Variants in PRKN observed in about 807,000 individuals in gnomAD.
The protein encoded by PRKN is parkin RBR E3 ubiquitin protein ligase.
A neutral mutation model predicts 59.5 loss-of-function variants in PRKN; 56 were observed. The ratio of observed to expected loss-of-function variants is 0.94; its 90% CI spans 0.76 to 1.18. The LOEUF (loss-of-function observed/expected upper bound fraction) is 1.18, where lower values mean the gene tolerates loss of function less well. Ranked by LOEUF, PRKN falls within the 50% of genes most tolerant of loss-of-function variation. The pLI is 0.00. For missense variants in PRKN, 657 were observed against 596.4 expected, an observed-to-expected ratio of 1.10 and a Z score of -1.06; for synonymous variants, 250 against 222.1, an observed-to-expected ratio of 1.13 and a Z score of -1.12.
intron 10 of PRKN, among the ~76,000 whole-genome samples, chr6:161,384,795 T>A (rs989146488): frequency 6.6e-6 from 1 of 152,236 alleles, no homozygotes; most frequent in African/African-American, 2.4e-5. Flanking sequence ...CAGGGAAACC[T>A]GGAAGTGTTT....
chr6:162,682,014 G>A (rs1377307254), intron 1 of PRKN, among the ~76,000 whole-genome samples: 1 of 152,038 alleles, frequency 6.6e-6, no homozygotes, highest in Admixed American at 6.6e-5. Context: ...ATATGTGACA[G>A]TATTTTAGAA....
chr6:162,424,902 T>C (rs1789158724), intron 2 of PRKN, among the ~76,000 whole-genome samples: 1 of 152,010 alleles, frequency 6.6e-6, no homozygotes, highest in African/African-American at 2.4e-5. Context: ...AAAAAACAAG[T>C]TTCATTAATT....
chr6:161,784,809 TG>T (rs1269432992), intron 7 of PRKN, among the ~76,000 whole-genome samples: 2 of 152,156 alleles, frequency 1.3e-5, no homozygotes, highest in Non-Finnish European at 2.9e-5. Flanking sequence ...TATATATGAA[TG>T]TTTACAACGG....
chr6:161,740,200 A>G (rs1037496490), intron 7 of PRKN, among the ~76,000 whole-genome samples: 1 of 152,266 alleles, frequency 6.6e-6, no homozygotes, highest in Non-Finnish European at 1.5e-5. Context: ...ACTTTCCTTT[A>G]AGTGCTTTTG....
intron 6 of PRKN, among the ~76,000 whole-genome samples, chr6:161,896,326 C>G (rs897794918): frequency 2.0e-5 from 3 of 152,184 alleles, no homozygotes; most frequent in African/African-American, 7.2e-5. Flanking sequence ...TAAAAATGGG[C>G]AGCTTCCATT....
At chr6:162,399,785 G>GA (rs199883436) in intron 2 of PRKN, among the ~76,000 whole-genome samples, 19 of 145,840 alleles carry the variant, frequency 1.3e-4, no homozygotes, top group South Asian at 2.2e-4. Context: ...AGGAACAACT[G>GA]AAAAAAAAAT....
intron 7 of PRKN, among the ~76,000 whole-genome samples, chr6:161,577,180 C>G (rs997155175): frequency 1.1e-4 from 17 of 152,146 alleles, no homozygotes; most frequent in African/African-American, 3.1e-4. Context: ...CAGTGTTATG[C>G]ATGTAATTCA....
chr6:161,676,620 G>C (rs1785096358), intron 7 of PRKN, among the ~76,000 whole-genome samples: 1 of 152,200 alleles, frequency 6.6e-6, no homozygotes, highest in African/African-American at 2.4e-5. Flanking sequence ...TGGTTGAGTA[G>C]CTGGGACAGA....
chr6:162,224,584 G>A (rs1051845804), intron 3 of PRKN, among the ~76,000 whole-genome samples: 6 of 152,140 alleles, frequency 3.9e-5, no homozygotes, highest in Non-Finnish European at 5.9e-5. Context: ...AGCTTGATGC[G>A]TGCCGTCATT....
intron 6 of PRKN, among the ~76,000 whole-genome samples, chr6:161,942,854 A>G (rs577003231): frequency 1.3e-5 from 2 of 152,244 alleles, no homozygotes; most frequent in Admixed American, 6.5e-5. Context: ...GAGTAGGCAA[A>G]AAGAGAAAAT....
At chr6:162,318,278 A>T (rs999014969) in intron 2 of PRKN, among the ~76,000 whole-genome samples, 2 of 152,102 alleles carry the variant, frequency 1.3e-5, no homozygotes, top group African/African-American at 4.8e-5. Context: ...ATATCAGAAT[A>T]TGAAAAATGC....
At chr6:162,210,558 T>A (rs1785160680) in intron 3 of PRKN, among the ~76,000 whole-genome samples, 2 of 152,196 alleles carry the variant, frequency 1.3e-5, no homozygotes, top group African/African-American at 2.4e-5. Flanking sequence ...AGAGGAAATA[T>A]AAATCTTAAA....
At chr6:161,432,355 A>ATTTTTTTT (rs1188841520) in intron 9 of PRKN, among the ~76,000 whole-genome samples, 3 of 92,190 alleles carry the variant, frequency 3.3e-5, no homozygotes, top group East Asian at 2.8e-4. Context: ...ACTTCCTCTG[A>ATTTTTTTT]TTTTTTTTTT....
intron 7 of PRKN, among the ~76,000 whole-genome samples, chr6:161,742,198 G>C (rs1422411901): frequency 6.6e-6 from 1 of 152,080 alleles, no homozygotes; most frequent in Non-Finnish European, 1.5e-5. Flanking sequence ...TCGAACTCCT[G>C]ACCTCAGGTG....
chr6:161,783,135 T>G (rs2128206087), intron 7 of PRKN, among the ~76,000 whole-genome samples: 1 of 152,272 alleles, frequency 6.6e-6, no homozygotes, highest in South Asian at 2.1e-4. Flanking sequence ...AATGAGTAAT[T>G]TTGTTGGTAT....
intron 6 of PRKN, among the ~76,000 whole-genome samples, chr6:161,844,409 C>T (rs561724392): frequency 2.0e-4 from 31 of 152,224 alleles, no homozygotes; most frequent in Admixed American, 1.8e-3. Context: ...ACCCTGTGGT[C>T]GGGTTTTGGG....
Position 162,054,173 on chromosome 6 carries a change from C to A in PRKN, c.536G>T (p.Gly179Val), listed in dbSNP as rs370479735. ...CRQATLTLTQ[G>V]PSCWDDVLIP... is the part of the protein sequence containing the mutation. Reference sequence around the variant, plus strand: ...TAAAACATCATCCCAGCAAGATGGACCCTTTGGGAAAAAACAACAATATAT... The same window carrying A: ...TAAAACATCATCCCAGCAAGATGGAACCTTTGGGAAAAAACAACAATATAT... The change falls in exon 5 of 12, where the codon GGT becomes GTT. Residue 179 changes from glycine to valine, a missense_variant and splice_region_variant. Coordinates refer to ENST00000366898, the MANE Select transcript of PRKN (RefSeq NM_004562.3). The A allele has an allele frequency of 2.5e-6, 4 of 1,608,046 alleles. No individual in the cohort carries two copies. Among genetic ancestry groups the A allele is most frequent in the Middle Eastern group, 1.6e-4 (1 of 6,064 alleles).
chr6:162,614,378 C>A (rs1487477307), intron 1 of PRKN, among the ~76,000 whole-genome samples: 3 of 152,022 alleles, frequency 2.0e-5, no homozygotes, highest in East Asian at 1.9e-4. Flanking sequence ...GCTTTACATG[C>A]CATTTTAGTG....
intron 4 of PRKN, among the ~76,000 whole-genome samples, chr6:162,167,766 CA>C: frequency 6.6e-6 from 1 of 152,036 alleles, no homozygotes; most frequent in Admixed American, 6.5e-5. Flanking sequence ...CATGGACTAG[CA>C]CTAAAGGAAT....
Sources: gnomAD v4.1 joint callset for allele counts (sites outside exome capture counted in the v4.1 genomes callset) on GRCh38, gnomAD v4.1.1 for gene constraint, MANE v1.5 for transcripts, NCBI Gene and HGNC (gene_info 2026-07-23, HGNC 2026-07-21) for gene names.